TNFRSF21: variants seen among roughly 807,000 people sequenced by gnomAD.
The protein encoded by TNFRSF21 is TNF receptor superfamily member 21, also known as tumor necrosis factor receptor superfamily member 21.
In TNFRSF21, 19 loss-of-function variants were observed where a neutral mutation model predicts 45.6. The observed-to-expected ratio is 0.42, with a 90% CI of 0.29 to 0.61. The LOEUF (loss-of-function observed/expected upper bound fraction) is 0.61, where lower values mean the gene tolerates loss of function less well. Among genes scored for constraint, TNFRSF21 ranks in the 20% least tolerant of loss-of-function variants. TNFRSF21 has a pLI of 0.23. For missense variants in TNFRSF21, 737 were observed against 851.5 expected (o/e 0.87, Z 1.67); for synonymous variants, 314 against 335.5 (o/e 0.94, Z 0.70).
At position 47,232,045 on chromosome 6, in the gene TNFRSF21, A is replaced by G. The variant is rs1764591143; in HGVS notation, c.*720T>C. ...TCATTTCTCCAGCCCAGAGCATATT[A>G]GCATAAGAAGAGTACAAGTAATCAA... is the stretch of plus-strand genomic sequence containing the variant. On this transcript the variant is annotated 3_prime_UTR_variant, in exon 6 of 6. Transcript: ENST00000296861. 6.6e-6 allele frequency: 1 copy of G among 152,566 alleles called. No homozygotes were observed. Among genetic ancestry groups the G allele is most frequent in the South Asian group, 2.1e-4 (1 of 4,836 alleles). 9.5% of individuals were successfully genotyped at this position (152,566 alleles called of 1,614,324 possible). A position where few individuals can be genotyped will look rare whatever the true frequency, so the allele number is the denominator to read the frequency against.
At chr6:47,296,814 C>T (rs918109266) in intron 1 of TNFRSF21, among the ~76,000 whole-genome samples, 8 of 152,134 alleles carry the variant, frequency 5.3e-5, no homozygotes, top group African/African-American at 1.4e-4. Context: ...CATTTGTATC[C>T]TTTATTATAT....
intron 3 of TNFRSF21, among the ~76,000 whole-genome samples, chr6:47,280,000 T>G (rs1393062682): frequency 1.3e-5 from 2 of 152,196 alleles, no homozygotes; most frequent in African/African-American, 4.8e-5. Context: ...AAAGTAGGAT[T>G]GTAGCTTTCT....
At chr6:47,234,451 A>T (rs537894237) in intron 5 of TNFRSF21, among the ~76,000 whole-genome samples, 39 of 152,340 alleles carry the variant, frequency 2.6e-4, no homozygotes, top group African/African-American at 9.1e-4. Flanking sequence ...TCCACCGGGC[A>T]GTGCGAGCTG....
chr6:47,274,874 A>G (rs1762474958), intron 3 of TNFRSF21, among the ~76,000 whole-genome samples: 1 of 152,266 alleles, frequency 6.6e-6, no homozygotes, highest in South Asian at 2.1e-4. Flanking sequence ...TGCAGCCAAC[A>G]GACACATGAA....
intron 1 of TNFRSF21, among the ~76,000 whole-genome samples, chr6:47,308,259 A>T (rs1021030788): frequency 6.6e-6 from 1 of 152,236 alleles, no homozygotes; most frequent in Non-Finnish European, 1.5e-5. Flanking sequence ...AGCAACTGCA[A>T]TGTCCTGAGA....
At chr6:47,245,471 T>C (rs1764811630) in intron 4 of TNFRSF21, among the ~76,000 whole-genome samples, 1 of 149,366 alleles carries the variant, frequency 6.7e-6, no homozygotes, top group African/African-American at 2.5e-5. Flanking sequence ...TGTGTGTGTG[T>C]GTGTGTGTTG....
At chr6:47,270,746 G>A (rs183118443) in intron 3 of TNFRSF21, among the ~76,000 whole-genome samples, 9 of 152,104 alleles carry the variant, frequency 5.9e-5, no homozygotes, top group African/African-American at 1.7e-4. Flanking sequence ...TGAACCTATC[G>A]CAAGGAAGCT....
At chr6:47,255,567 TTC>T (rs1471334555) in intron 3 of TNFRSF21, among the ~76,000 whole-genome samples, 4 of 152,194 alleles carry the variant, frequency 2.6e-5, no homozygotes, top group Admixed American at 1.3e-4. Context: ...GTTCAAGGGA[TTC>T]TCCTGCCTCA....
In TNFRSF21 at chr6:47,286,470, G is replaced by A. The variant is rs1561950055; in HGVS notation, c.222C>T (p.Thr74=). The A allele has an allele frequency of 3.1e-6, 5 of 1,614,236 alleles. No individual in the cohort carries two copies. The highest frequency in any genetic ancestry group is 4.2e-6 in the Non-Finnish European group (5 of 1,180,036). The stretch of plus-strand genomic sequence containing the variant: ...TGTTGGTACAATGCTCAGAGACATA[G>A]GTTCCTGCTGGACACTTGTCACAGG... ...VLTCDKCPAG[T]YVSEHCTNTS... The change falls in exon 2 of 6, where the codon ACC becomes ACT. Residue 74 remains threonine (T), a synonymous_variant. Transcript: ENST00000296861.
intron 1 of TNFRSF21, among the ~76,000 whole-genome samples, chr6:47,287,222 G>A (rs2144436): frequency 0.025 from 3,655 of 144,674 alleles, 164 homozygotes; most frequent in African/African-American, 0.09. Context: ...CATGATAATC[G>A]CTTGAACCCA....
intron 4 of TNFRSF21, among the ~76,000 whole-genome samples, chr6:47,248,199 T>C (rs1427799580): frequency 3.3e-5 from 5 of 152,202 alleles, no homozygotes; most frequent in Non-Finnish European, 7.3e-5. Context: ...ACCACAGATA[T>C]AATACTTCTG....
At chr6:47,244,172 A>C (rs1424711555) in intron 4 of TNFRSF21, among the ~76,000 whole-genome samples, 3 of 151,996 alleles carry the variant, frequency 2.0e-5, no homozygotes, top group African/African-American at 7.3e-5. Context: ...AATACAAAAA[A>C]AATTAGCCAG....
chr6:47,257,418 C>T (rs1378544020), intron 3 of TNFRSF21, among the ~76,000 whole-genome samples: 2 of 152,212 alleles, frequency 1.3e-5, no homozygotes, highest in Non-Finnish European at 2.9e-5. Flanking sequence ...GCTGTCCTCT[C>T]CCACCGTGGA....
chr6:47,294,103 T>C lies in TNFRSF21; in HGVS notation c.97-7508A>G, dbSNP rs1276701884. ...ATTAGAACCAACATATTAGAAGTGG[T>C]GGTAGAGGAGGTTGCTAAAGATGAG... On this transcript the variant is annotated intron_variant, in intron 1 of 5. Transcript: ENST00000296861. Among the ~76,000 whole-genome samples the C allele has an allele frequency of 1.3e-5, 2 of 152,084 alleles. 1 individual carries two copies. The highest frequency in any genetic ancestry group is 2.9e-5 in the Non-Finnish European group (2 of 68,010).
At chr6:47,262,243 G>A (rs932531093) in intron 3 of TNFRSF21, among the ~76,000 whole-genome samples, 1 of 152,136 alleles carries the variant, frequency 6.6e-6, no homozygotes, top group African/African-American at 2.4e-5. Context: ...TTTTCCAAAT[G>A]GAAGAAATAT....
chr6:47,270,098 G>C (rs142469681), intron 3 of TNFRSF21, among the ~76,000 whole-genome samples: 1 of 152,202 alleles, frequency 6.6e-6, no homozygotes, highest in Non-Finnish European at 1.5e-5. Context: ...TTACTGGGGA[G>C]AGTTATGTCC....
At chr6:47,244,581 T>G (rs72861999) in intron 4 of TNFRSF21, among the ~76,000 whole-genome samples, 151 of 152,332 alleles carry the variant, frequency 9.9e-4, no homozygotes, top group Non-Finnish European at 1.8e-3. Context: ...TCTACTGTTG[T>G]GATTATAAAA....
rs561031562 is a variant in TNFRSF21, at chr6:47,246,411, A to G, written c.1509+6845T>C. On this transcript the variant is annotated intron_variant, in intron 4 of 5. Transcript: ENST00000296861. ...ACCTCTATTTCTCAGCAAGATCTTT[A>G]CAAAGCACTTACAAAGCTTGGAGAC... Among the ~76,000 whole-genome samples the G allele has an allele frequency of 2.0e-5, 3 of 152,326 alleles. No individual in the cohort carries two copies. The East Asian group carries it at 5.8e-4, about 29-fold the overall frequency.
chr6:47,269,785 T>C (rs186545695), intron 3 of TNFRSF21, among the ~76,000 whole-genome samples: 6 of 152,284 alleles, frequency 3.9e-5, no homozygotes, highest in East Asian at 3.9e-4. Flanking sequence ...AGGAAGAAAT[T>C]TGTGGTTGTC....
Sources: gnomAD v4.1 joint callset for allele counts (sites outside exome capture counted in the v4.1 genomes callset) on GRCh38, gnomAD v4.1.1 for gene constraint, MANE v1.5 for transcripts, NCBI Gene and HGNC (gene_info 2026-07-23, HGNC 2026-07-21) for gene names.